The following NR3C2 variants were observed in gnomAD, a reference collection of about 807,000 sequenced individuals.
The protein encoded by NR3C2 is nuclear receptor subfamily 3 group C member 2, also known as mineralocorticoid receptor.
In NR3C2, 15 loss-of-function variants were observed where a neutral mutation model predicts 86.4. The ratio of observed to expected loss-of-function variants is 0.17; its 90% CI spans 0.12 to 0.27. NR3C2 has a LOEUF of 0.27. NR3C2 is among the 10% of genes least tolerant of loss of function. The pLI is 1.00. For synonymous variants in NR3C2, 458 were observed against 450.5 expected (o/e 1.02, Z -0.21); for missense variants, 960 against 1,195.6 (o/e 0.80, Z 2.91).
At chr4:148,273,793 A>G (rs1183381760) in intron 2 of NR3C2, among the ~76,000 whole-genome samples, 1 of 152,226 alleles carries the variant, frequency 6.6e-6, no homozygotes, top group East Asian at 1.9e-4. Flanking sequence ...GTGGGCACAG[A>G]GCATGACTAA....
chr4:148,155,375 G>A (rs1274572646), intron 4 of NR3C2, among the ~76,000 whole-genome samples: 4 of 152,142 alleles, frequency 2.6e-5, no homozygotes, highest in African/African-American at 4.8e-5. Flanking sequence ...CACTGTCTCA[G>A]CCCAAAATCT....
At chr4:148,357,540 T>C (rs1489322735) in intron 2 of NR3C2, among the ~76,000 whole-genome samples, 1 of 152,144 alleles carries the variant, frequency 6.6e-6, no homozygotes, top group African/African-American at 2.4e-5. Flanking sequence ...TATGCAAATA[T>C]AATGCTACAC....
At chr4:148,202,488 C>A (rs1736775635) in intron 3 of NR3C2, among the ~76,000 whole-genome samples, 1 of 152,234 alleles carries the variant, frequency 6.6e-6, no homozygotes, top group Non-Finnish European at 1.5e-5. Flanking sequence ...TGTTCCCTTG[C>A]CTGTACCTAA....
chr4:148,436,704 C>A lies in NR3C2; in HGVS notation c.157G>T (p.Gly53Cys). ...TGAGTACTGTTGTTTGGAATAGCACCGGAAACACAGCTTACGTTGACAATC... is the reference window on the plus strand; with the variant it reads ...TGAGTACTGTTGTTTGGAATAGCACAGGAAACACAGCTTACGTTGACAATC... ...MEIVNVSCVS[G>C]AIPNNSTQGS... The change falls in exon 2 of 9, where the codon GGT (glycine) becomes TGT (cysteine). Residue 53 changes from glycine to cysteine, a missense_variant. By Grantham distance (159) the Gly-to-Cys change is radical. Around this residue, in one of 4 missense-constraint regions of NR3C2, gnomAD observed 680 missense variants for 719.0 expected, o/e 0.95. Coordinates refer to ENST00000358102, the MANE Select transcript of NR3C2 (RefSeq NM_000901.5). 3 of 1,614,080 alleles carry A rather than the reference C, an allele frequency of 1.9e-6. No individual in the cohort carries two copies. The highest frequency in any genetic ancestry group is 2.5e-6 in the Non-Finnish European group (3 of 1,180,020).
chr4:148,202,494 C>T (rs756246990), intron 3 of NR3C2, among the ~76,000 whole-genome samples: 1 of 152,200 alleles, frequency 6.6e-6, no homozygotes, highest in Non-Finnish European at 1.5e-5. Flanking sequence ...CTTGCCTGTA[C>T]CTAATCTGGG....
At position 148,205,121 on chromosome 4, in the gene NR3C2, A is replaced by T. The variant is rs192450345; in HGVS notation, c.1898-10259T>A. Among the ~76,000 whole-genome samples, 4 of 152,366 alleles carry T rather than the reference A, an allele frequency of 2.6e-5. No homozygotes were observed. The East Asian group carries it at 7.7e-4, about 29-fold the overall frequency. On this transcript the variant is annotated intron_variant, in intron 3 of 8. Transcript: ENST00000358102. ...GGTCCTTATTTGCCATCTCAGGCATAGCCCAGTTTCTGAACAACAATATAA... is the reference window on the plus strand; with the variant it reads ...GGTCCTTATTTGCCATCTCAGGCATTGCCCAGTTTCTGAACAACAATATAA...
chr4:148,096,818 G>C (rs1040874249), intron 8 of NR3C2, among the ~76,000 whole-genome samples: 5 of 152,188 alleles, frequency 3.3e-5, no homozygotes, highest in African/African-American at 9.7e-5. Flanking sequence ...CAGTGGCACA[G>C]CTGAGTAGCT....
At chr4:148,093,421 GA>G (rs1731146008) in intron 8 of NR3C2, among the ~76,000 whole-genome samples, 1 of 152,230 alleles carries the variant, frequency 6.6e-6, no homozygotes, top group Non-Finnish European at 1.5e-5. Context: ...GATGAAGCCT[GA>G]ATGATACAGC....
chr4:148,414,834 C>G (rs979288038), intron 2 of NR3C2, among the ~76,000 whole-genome samples: 2 of 152,248 alleles, frequency 1.3e-5, no homozygotes, highest in East Asian at 1.9e-4. Context: ...CTGAATAAAT[C>G]ATAAATGTAA....
At chr4:148,374,962 T>C (rs1286231594) in intron 2 of NR3C2, among the ~76,000 whole-genome samples, 2 of 152,178 alleles carry the variant, frequency 1.3e-5, no homozygotes, top group African/African-American at 4.8e-5. Context: ...ATTTCCTTCT[T>C]AAAAGAAAAC....
intron 2 of NR3C2, among the ~76,000 whole-genome samples, chr4:148,372,735 C>T (rs1194342599): frequency 6.6e-6 from 1 of 152,092 alleles, no homozygotes; most frequent in Non-Finnish European, 1.5e-5. Flanking sequence ...TGGATCAATT[C>T]TAAAGAAAAG....
At position 148,438,577 on chromosome 4, in the gene NR3C2, T is replaced by A. The variant is rs755331786; in HGVS notation, c.-2-1715A>T. On this transcript the variant is annotated intron_variant, in intron 1 of 8. Transcript: ENST00000358102. Reference sequence around the variant, plus strand: ...TCATCCTTTCCCCTCTTTGTCACTATCTCCACCCTGCCTACCTTCCCTTCA... The same window carrying A: ...TCATCCTTTCCCCTCTTTGTCACTAACTCCACCCTGCCTACCTTCCCTTCA... Among the ~76,000 whole-genome samples, 5 of 152,020 alleles carry A rather than the reference T, an allele frequency of 3.3e-5. No individual in the cohort carries two copies. In the South Asian group the frequency reaches 1.0e-3, roughly 32 times the overall value.
rs1240837195 is a variant in NR3C2 at position 148,233,840 on chromosome 4, T to TATAATA, written c.1897+26132_1897+26137dup. Among the ~76,000 whole-genome samples, 276 of 151,994 alleles carry TATAATA rather than the reference T, an allele frequency of 1.8e-3. 1 individual carries two copies. Among genetic ancestry groups the TATAATA allele is most frequent in the African/African-American group, 6.3e-3 (261 of 41,446 alleles). On this transcript the variant is annotated intron_variant, in intron 3 of 8. Transcript: ENST00000358102. ...AAAGATCACTGATCACTATAACAGA[T>TATAATA]ATAATAATAATAATAATGAAAAAGT...
intron 3 of NR3C2, among the ~76,000 whole-genome samples, chr4:148,257,231 T>C (rs1425417168): frequency 6.6e-6 from 1 of 152,162 alleles, no homozygotes; most frequent in African/African-American, 2.4e-5. Flanking sequence ...TAGTAAATAT[T>C]TAAATATACA....
intron 3 of NR3C2, among the ~76,000 whole-genome samples, chr4:148,207,255 C>G (rs1737052366): frequency 6.6e-6 from 1 of 152,108 alleles, no homozygotes; most frequent in African/African-American, 2.4e-5. Context: ...ATGTCCTGAG[C>G]AAGGAAATGG....
At chr4:148,316,018 T>A (rs1561036449) in intron 2 of NR3C2, among the ~76,000 whole-genome samples, 1 of 152,148 alleles carries the variant, frequency 6.6e-6, no homozygotes, top group Non-Finnish European at 1.5e-5. Context: ...AGAAGTTATA[T>A]GAGGGAAAAC....
At chr4:148,137,976 A>G (rs1235725658) in intron 6 of NR3C2, among the ~76,000 whole-genome samples, 3 of 152,220 alleles carry the variant, frequency 2.0e-5, no homozygotes, top group African/African-American at 7.2e-5. Context: ...TTTCTTTTAA[A>G]ATAAATTGAT....
intron 2 of NR3C2, among the ~76,000 whole-genome samples, chr4:148,398,111 A>G (rs186244798): frequency 6.6e-6 from 1 of 152,288 alleles, no homozygotes; most frequent in East Asian, 1.9e-4. Context: ...TAAAGACACC[A>G]GCTATTGGAT....
intron 6 of NR3C2, among the ~76,000 whole-genome samples, chr4:148,125,059 T>G (rs1732681625): frequency 6.6e-6 from 1 of 152,232 alleles, no homozygotes; most frequent in African/African-American, 2.4e-5. Context: ...TGTATTGTTT[T>G]GGCATGTATT....
Sources: allele counts gnomAD v4.1 joint callset (sites outside exome capture counted in the v4.1 genomes callset), GRCh38; gene constraint gnomAD v4.1.1; regional missense constraint gnomAD v4.1.1; transcripts MANE v1.5; gene names NCBI Gene and HGNC (gene_info 2026-07-23, HGNC 2026-07-21).